The following ROBO2 variants were observed in gnomAD, a reference collection of about 807,000 sequenced individuals.
ROBO2 encodes roundabout homolog 2.
In ROBO2, 53 loss-of-function variants were observed where a neutral mutation model predicts 160.8. That is an observed-to-expected ratio of 0.33 (90% CI 0.26 to 0.41). ROBO2 has a LOEUF of 0.41. Ranked by LOEUF, ROBO2 falls within the 10% of genes least tolerant of loss-of-function variation. The pLI, the probability that ROBO2 is intolerant of heterozygous loss-of-function variation, is 1.00. For missense variants in ROBO2, 1,577 were observed against 1,722.4 expected, an observed-to-expected ratio of 0.92 and a Z score of 1.49; for synonymous variants, 664 against 611.7, an observed-to-expected ratio of 1.09 and a Z score of -1.26.
rs116694407 is a variant in ROBO2, at chr3:76,013,643, C to T, written c.109+76041C>T. On this transcript the variant is annotated intron_variant, in intron 2 of 26. Coordinates refer to the ROBO2 transcript ENST00000487694. ...AAAGGCATTTGGAGGCTGGGCACGG[C>T]GCCTGATGTGTATAATCCCAGAAGT... is the stretch of plus-strand genomic sequence containing the variant. Among the ~76,000 whole-genome samples, 843 of 111,728 alleles carry T rather than the reference C, an allele frequency of 7.5e-3. 14 individuals carry two copies. Among genetic ancestry groups the T allele is most frequent in the African/African-American group, 0.027 (749 of 27,806 alleles). The allele number at this position is 111,728 out of a possible 152,430, so 73.3% of individuals were successfully genotyped here.
intron 2 of ROBO2, among the ~76,000 whole-genome samples, chr3:77,319,174 C>T (rs1164765678): frequency 6.6e-6 from 1 of 152,074 alleles, no homozygotes; most frequent in African/African-American, 2.4e-5. Context: ...GCTTTATGTG[C>T]CAGGTGTTCG....
chr3:77,551,276 C>G (rs550372494), intron 8 of ROBO2, among the ~76,000 whole-genome samples: 1 of 152,010 alleles, frequency 6.6e-6, no homozygotes, highest in African/African-American at 2.4e-5. Context: ...GAAATGTAAT[C>G]TGTATATTTT....
chr3:76,370,248 G>A (rs1337374713), intron 2 of ROBO2, among the ~76,000 whole-genome samples: 1 of 151,738 alleles, frequency 6.6e-6, no homozygotes, highest in Admixed American at 6.6e-5. Flanking sequence ...CCAAAAAGAT[G>A]ATTTAGAAAT....
chr3:77,486,003 C>T (rs534727585), intron 4 of ROBO2, among the ~76,000 whole-genome samples: 3 of 152,142 alleles, frequency 2.0e-5, no homozygotes, highest in Non-Finnish European at 4.4e-5. Context: ...CATTGTTCAG[C>T]TCCCACTTAT....
intron 1 of ROBO2, among the ~76,000 whole-genome samples, chr3:77,044,453 A>G (rs2064424153): frequency 6.6e-6 from 1 of 151,944 alleles, no homozygotes; most frequent in African/African-American, 2.4e-5. Context: ...CTTATTTACT[A>G]TTTCTCCTTT....
At chr3:76,670,556 C>T (rs2092227470) in intron 2 of ROBO2, among the ~76,000 whole-genome samples, 1 of 151,934 alleles carries the variant, frequency 6.6e-6, no homozygotes, top group Admixed American at 6.6e-5. Context: ...GTGCTTTCTA[C>T]CCTCTGGGCA....
In ROBO2 at chr3:76,906,459, A is replaced by G. The variant is rs543773229; in HGVS notation, c.110-191555A>G. On this transcript the variant is annotated intron_variant, in intron 2 of 26. Coordinates refer to the ROBO2 transcript ENST00000487694. ...TTATTTAGCTGCACAGACACATATT[A>G]TACATAACTGACAATTAATTTATTC... 3.4e-4 allele frequency among the ~76,000 whole-genome samples: 52 copies of G among 151,928 alleles called. 1 individual carries two copies. In the South Asian group the frequency reaches 9.5e-3, roughly 28 times the overall value.
At chr3:76,682,235 G>A (rs2092582040) in intron 2 of ROBO2, among the ~76,000 whole-genome samples, 2 of 152,068 alleles carry the variant, frequency 1.3e-5, no homozygotes, top group African/African-American at 4.8e-5. Context: ...TATCAACTAT[G>A]GACTCAGGGA....
intron 2 of ROBO2, among the ~76,000 whole-genome samples, chr3:77,364,337 AGCCTTGGG>A (rs1162359747): frequency 4.6e-5 from 7 of 152,100 alleles, no homozygotes; most frequent in Admixed American, 2.6e-4. Context: ...GTCACTTGTT[AGCCTTGGG>A]GCACCAGGGC....
chr3:76,382,315 G>A (rs2076668386), intron 2 of ROBO2, among the ~76,000 whole-genome samples: 2 of 152,272 alleles, frequency 1.3e-5, no homozygotes, highest in South Asian at 2.1e-4. Context: ...TTGGCTGGGC[G>A]CGGTGACTCA....
At chr3:77,209,529 A>G (rs768921415) in intron 2 of ROBO2, among the ~76,000 whole-genome samples, 7 of 152,190 alleles carry the variant, frequency 4.6e-5, no homozygotes, top group African/African-American at 9.6e-5. Context: ...TAGACAATCA[A>G]TTTCTTCCCT....
intron 2 of ROBO2, among the ~76,000 whole-genome samples, chr3:76,322,192 ATATATAT>A: frequency 9.8e-6 from 1 of 101,930 alleles, no homozygotes; most frequent in South Asian, 3.2e-4. Context: ...ATATATATAT[ATATATAT>A]ATATAATATA....
At chr3:76,695,156 G>C (rs1001073120) in intron 2 of ROBO2, among the ~76,000 whole-genome samples, 11 of 152,106 alleles carry the variant, frequency 7.2e-5, no homozygotes, top group African/African-American at 2.7e-4. Context: ...ATATGAGCAA[G>C]TCAAACATCA....
chr3:77,103,680 A>T lies in ROBO2; in HGVS notation c.388+5340A>T, dbSNP rs534121610. Among the ~76,000 whole-genome samples the T allele has an allele frequency of 9.2e-5, 14 of 152,216 alleles. No individual in the cohort carries two copies. The South Asian group carries it at 2.7e-3, about 29-fold the overall frequency. Reference sequence around the variant, plus strand: ...CATGCTGTATGAAAGTCATTTAGAGAAGAAGAAGGTCTTGCATTATTTATA... The same window carrying T: ...CATGCTGTATGAAAGTCATTTAGAGTAGAAGAAGGTCTTGCATTATTTATA... On this transcript the variant is annotated intron_variant, in intron 2 of 25. Coordinates refer to ENST00000461745, the Ensembl canonical transcript of ROBO2.
At chr3:76,728,506 A>C (rs1576275541) in intron 2 of ROBO2, among the ~76,000 whole-genome samples, 1 of 152,340 alleles carries the variant, frequency 6.6e-6, no homozygotes, top group Admixed American at 6.5e-5. Flanking sequence ...TTAGTAAATC[A>C]TTAAATCGCT....
chr3:75,931,274 T>C (rs1947520968), intron 1 of ROBO2, among the ~76,000 whole-genome samples: 1 of 152,242 alleles, frequency 6.6e-6, no homozygotes, highest in Non-Finnish European at 1.5e-5. Flanking sequence ...AGCTAACTCT[T>C]TTTATTCTCA....
chr3:76,041,076 C>T (rs1006068243), intron 2 of ROBO2, among the ~76,000 whole-genome samples: 2 of 152,134 alleles, frequency 1.3e-5, no homozygotes, highest in East Asian at 1.9e-4. Context: ...GGTTCCTTTC[C>T]AATGCCAAAC....
chr3:76,067,128 C>T (rs758186167), intron 2 of ROBO2, among the ~76,000 whole-genome samples: 16 of 152,054 alleles, frequency 1.1e-4, no homozygotes, highest in Non-Finnish European at 1.9e-4. Context: ...ATTCTGGAGT[C>T]GGCTTTTTTG....
intron 2 of ROBO2, among the ~76,000 whole-genome samples, chr3:76,921,705 T>C (rs755097914): frequency 3.2e-4 from 49 of 152,182 alleles, no homozygotes; most frequent in East Asian, 1.3e-3. Flanking sequence ...TTCTTTCTTT[T>C]TTTGGTGAAG....
Sources: gnomAD v4.1 joint callset for allele counts (sites outside exome capture counted in the v4.1 genomes callset) on GRCh38, gnomAD v4.1.1 for gene constraint, MANE v1.5 for transcripts, NCBI Gene and HGNC (gene_info 2026-07-23, HGNC 2026-07-21) for gene names.